PRMT9: variants seen among roughly 807,000 people sequenced by gnomAD.
The protein encoded by PRMT9 is protein arginine methyltransferase 9.
Under a neutral mutation model 83.2 loss-of-function variants are expected in PRMT9, and 59 were observed. The ratio of observed to expected loss-of-function variants is 0.71; its 90% CI spans 0.57 to 0.88. The LOEUF is 0.88. Ranked by LOEUF, PRMT9 falls within the 40% of genes least tolerant of loss-of-function variation. The pLI is 0.00. For synonymous variants in PRMT9, 333 were observed against 353.2 expected (o/e 0.94, Z 0.64); for missense variants, 947 against 1,021.9 (o/e 0.93, Z 1.00).
rs761448742 is a variant in PRMT9, at chr4:147,654,564, A to G, written c.1333T>C (p.Tyr445His). ...AVYPVQDLAD[Y>H]WIKPGDHVMM... ...ACATGGTCTCCAGGCTTTATCCAGT[A>G]GTCTTCATTAAATAGTAAGGAAGAA... Residue 445 changes from tyrosine (Y) to histidine (H), a missense_variant and splice_region_variant, in exon 9 of 12, where the codon TAC becomes CAC. Tyr to His is a moderately conservative substitution (Grantham distance 83). Coordinates refer to ENST00000322396, the MANE Select transcript of PRMT9 (RefSeq NM_138364.4). 5 of 1,602,538 alleles carry G rather than the reference A, an allele frequency of 3.1e-6. No homozygotes were observed. The East Asian group carries it at 1.1e-4, about 36-fold the overall frequency.
chr4:147,657,148 G>T (rs1734563076), intron 8 of PRMT9, among the ~76,000 whole-genome samples: 1 of 152,070 alleles, frequency 6.6e-6, no homozygotes, highest in African/African-American at 2.4e-5. Context: ...CTTCTCTAAG[G>T]AGTAAGAACT....
chr4:147,655,107 A>G (rs1295927821), intron 8 of PRMT9, among the ~76,000 whole-genome samples: 1 of 152,244 alleles, frequency 6.6e-6, no homozygotes, highest in Non-Finnish European at 1.5e-5. Context: ...AGTATAAGGA[A>G]GAACCAAGTC....
intron 10 of PRMT9, among the ~76,000 whole-genome samples, chr4:147,639,996 T>C (rs567285787): frequency 8.1e-5 from 12 of 148,204 alleles, no homozygotes; most frequent in South Asian, 4.5e-4. Flanking sequence ...ATCCCCACAC[T>C]GCTGAACCCA....
intron 1 of PRMT9, 64 bp downstream of exon 1, chr4:147,683,734 TG>T (rs376547302): frequency 0.16 from 105,054 of 676,950 alleles, 3,890 homozygotes; most frequent in South Asian, 0.25. Flanking sequence ...TTTTTTTTTC[TG>T]TTTTTTTTTT....
chr4:147,659,982 T>C (rs1734842582), intron 7 of PRMT9, among the ~76,000 whole-genome samples: 1 of 152,196 alleles, frequency 6.6e-6, no homozygotes, highest in African/African-American at 2.4e-5. Context: ...AGTTTCAAAA[T>C]AGAAAGTCTC....
chr4:147,676,095 T>C (rs536505503), intron 2 of PRMT9, among the ~76,000 whole-genome samples: 2 of 152,294 alleles, frequency 1.3e-5, no homozygotes, highest in East Asian at 3.9e-4. Context: ...ACTGCTACCG[T>C]CCAAATTAGA....
chr4:147,672,152 A>C (rs1318797797), intron 4 of PRMT9: 1 of 258,524 alleles, frequency 3.9e-6, no homozygotes, highest in African/African-American at 2.3e-5. Flanking sequence ...GCATTAATCT[A>C]ATAGGAATTT....
chr4:147,668,195 C>T (rs1735468340), intron 6 of PRMT9, among the ~76,000 whole-genome samples: 1 of 152,180 alleles, frequency 6.6e-6, no homozygotes, highest in Non-Finnish European at 1.5e-5. Context: ...AAATTGTAAT[C>T]CCCACAAGTT....
chr4:147,677,206 T>G (rs1736145409), intron 2 of PRMT9, among the ~76,000 whole-genome samples: 1 of 151,986 alleles, frequency 6.6e-6, no homozygotes, highest in African/African-American at 2.4e-5. Context: ...GCAGTGAAAT[T>G]AGATGTATTA....
rs1471594004 is a variant in PRMT9 at position 147,672,948 on chromosome 4, CATG to C, written c.743+8_743+10del. On this transcript the variant is annotated splice_region_variant and intron_variant, in intron 4 of 11. Transcript: ENST00000322396. ...AAGTATAAACACTAAAATTAGTTTA[CATG>C]ATAATACCTTTCGGGAATATGTTTT... is the stretch of plus-strand genomic sequence containing the variant. 17 of 1,608,718 alleles carry C rather than the reference CATG, an allele frequency of 1.1e-5. No homozygotes were observed. Among genetic ancestry groups the C allele is most frequent in the Middle Eastern group, 3.3e-4 (2 of 6,078 alleles).
intron 8 of PRMT9, among the ~76,000 whole-genome samples, 195 bp from the exon 9 acceptor site, chr4:147,654,761 C>A (rs1224293726): frequency 6.6e-6 from 1 of 152,132 alleles, no homozygotes; most frequent in Non-Finnish European, 1.5e-5. Context: ...TTTGAATACT[C>A]AATTAACCAG....
chr4:147,682,286 T>C (rs1485877048), intron 1 of PRMT9, among the ~76,000 whole-genome samples: 1 of 152,044 alleles, frequency 6.6e-6, no homozygotes, highest in Admixed American at 6.5e-5. Flanking sequence ...TTCAAGCAAT[T>C]CTCCTGCCTC....
intron 6 of PRMT9, among the ~76,000 whole-genome samples, chr4:147,662,532 G>A (rs1735038356): frequency 6.6e-6 from 1 of 152,180 alleles, no homozygotes; most frequent in Non-Finnish European, 1.5e-5. Flanking sequence ...CAGGCATGGT[G>A]GTTTACACCT....
At chr4:147,670,118 A>AGGCACATAATTATACATT (rs1735629898) in intron 5 of PRMT9, among the ~76,000 whole-genome samples, 1 of 152,326 alleles carries the variant, frequency 6.6e-6, no homozygotes, top group East Asian at 1.9e-4. Context: ...TATCTCATTC[A>AGGCACATAATTATACATT]GGCACATAAT....
At position 147,638,608 on chromosome 4, in the gene PRMT9, T is replaced by C. The variant is rs769809376; in HGVS notation, c.2462A>G (p.Gln821Arg). The C allele has an allele frequency of 6.2e-7, 1 of 1,613,822 alleles. No homozygotes were observed. Among genetic ancestry groups the C allele is most frequent in the South Asian group, 1.1e-5 (1 of 91,078 alleles). ...TACAAGTTCCTCTCCCATTTCAACC[T>C]GGATGGGATTATCTAAAACAACTGC... ...QAAVVLDNPI[Q>R]VEMGEELVLS... Residue 821 changes from glutamine (Q) to arginine (R), a missense_variant, in exon 12 of 12, where the codon CAG (glutamine) becomes CGG (arginine). By Grantham distance (43) the Gln-to-Arg change is conservative. Transcript: ENST00000322396.
chr4:147,668,286 G>A (rs1370379367), intron 6 of PRMT9, among the ~76,000 whole-genome samples: 1 of 152,104 alleles, frequency 6.6e-6, no homozygotes, highest in African/African-American at 2.4e-5. Flanking sequence ...CACAAGATCT[G>A]ATGGTTTTAC....
intron 1 of PRMT9, 110 bp from the exon 2 acceptor site, chr4:147,680,581 T>G: frequency 2.4e-6 from 2 of 822,606 alleles, no homozygotes; most frequent in South Asian, 3.2e-5. Flanking sequence ...TATTGAACAA[T>G]CACCTTAAAC....
intron 2 of PRMT9, among the ~76,000 whole-genome samples, chr4:147,676,898 G>A (rs550028965): frequency 6.6e-6 from 1 of 152,100 alleles, no homozygotes; most frequent in South Asian, 2.1e-4. Flanking sequence ...ACAAAAATTA[G>A]CCGGGCGTGG....
At position 147,651,696 on chromosome 4, in the gene PRMT9, G is replaced by A. The variant is rs140783677; in HGVS notation, c.2045+2156C>T. ...CATGGATGAACCTTGAAGACATTAT[G>A]CTAAGTGAAACAACCCAGTCAGAAA... On this transcript the variant is annotated intron_variant, in intron 9 of 11. Coordinates refer to ENST00000322396, the MANE Select transcript of PRMT9 (RefSeq NM_138364.4). Among the ~76,000 whole-genome samples, 436 of 152,258 alleles carry A rather than the reference G, an allele frequency of 2.9e-3. 1 individual carries two copies. The highest frequency in any genetic ancestry group is 0.01 in the African/African-American group (422 of 41,558).
Sources: gnomAD v4.1 joint callset for allele counts (sites outside exome capture counted in the v4.1 genomes callset) on GRCh38, gnomAD v4.1.1 for gene constraint, MANE v1.5 for transcripts, NCBI Gene and HGNC (gene_info 2026-07-23, HGNC 2026-07-21) for gene names.